Variants in ZFYVE28 observed in about 807,000 individuals in gnomAD.
ZFYVE28 encodes lateral signaling target protein 2 homolog.
A neutral mutation model predicts 82.1 loss-of-function variants in ZFYVE28; 40 were observed. The observed-to-expected ratio is 0.49, with a 90% CI of 0.38 to 0.63. The LOEUF (loss-of-function observed/expected upper bound fraction) is 0.63, where lower values mean the gene tolerates loss of function less well. ZFYVE28 is among the 30% of genes least tolerant of loss of function. The pLI, the probability that ZFYVE28 is intolerant of heterozygous loss-of-function variation, is 0.00. For missense variants in ZFYVE28, 1,321 were observed against 1,242.1 expected (o/e 1.06, Z -0.96); for synonymous variants, 612 against 546.1 (o/e 1.12, Z -1.68).
intron 8 of ZFYVE28, among the ~76,000 whole-genome samples, chr4:2,303,584 G>A (rs1715960596): frequency 1.3e-5 from 2 of 152,118 alleles, no homozygotes; most frequent in South Asian, 2.1e-4. Context: ...AGCCATGAGT[G>A]ACCCTGGGCT....
chr4:2,330,306 AG>A (rs1415674050), intron 6 of ZFYVE28: 1 of 989,236 alleles, frequency 1.0e-6, no homozygotes, highest in Non-Finnish European at 1.2e-6. Flanking sequence ...TAACAGAGTA[AG>A]TCACGCAACC....
rs558428975 is a variant in ZFYVE28, at chr4:2,402,795, C to T, written c.39+15490G>A. 9.2e-5 allele frequency among the ~76,000 whole-genome samples: 14 copies of T among 152,338 alleles called. 1 individual carries two copies. The highest frequency in any genetic ancestry group is 2.6e-4 in the African/African-American group (11 of 41,580). On this transcript the variant is annotated intron_variant, in intron 1 of 12. Transcript: ENST00000290974. ...ATACACCAGTGCTGGAATTTAAGCT[C>T]ACTCTGCTCTCAGTCAGCCTCTCAC...
intron 8 of ZFYVE28, among the ~76,000 whole-genome samples, chr4:2,296,360 C>T (rs1714573109): frequency 6.6e-6 from 1 of 152,172 alleles, no homozygotes; most frequent in Non-Finnish European, 1.5e-5. Context: ...CCAGCCCTGC[C>T]CTCTCACCTG....
intron 8 of ZFYVE28, among the ~76,000 whole-genome samples, chr4:2,276,850 G>C (rs2108800474): frequency 6.6e-6 from 1 of 152,292 alleles, no homozygotes; most frequent in Non-Finnish European, 1.5e-5. Context: ...AACAGTTTCA[G>C]TTTGGGAAGA....
At chr4:2,351,009 A>C (rs937058687) in intron 2 of ZFYVE28, among the ~76,000 whole-genome samples, 3 of 152,102 alleles carry the variant, frequency 2.0e-5, no homozygotes, top group Non-Finnish European at 4.4e-5. Flanking sequence ...TCTGTGAGCC[A>C]CTCTACAAAT....
chr4:2,335,820 A>G lies in ZFYVE28; in HGVS notation c.612-26T>C. 6.5e-7 allele frequency: 1 copy of G among 1,544,790 alleles called. No homozygotes were observed. The highest frequency in any genetic ancestry group is 8.8e-7 in the Non-Finnish European group (1 of 1,141,372). ...CTGTCCGGGGAGACGGACAGTGAGCAGCATGAGGGCTGGCCCACCACAGCC... is the reference window on the plus strand; with the variant it reads ...CTGTCCGGGGAGACGGACAGTGAGCGGCATGAGGGCTGGCCCACCACAGCC... On this transcript the variant is annotated intron_variant, in intron 5 of 12. Coordinates refer to ENST00000290974, the MANE Select transcript of ZFYVE28 (RefSeq NM_020972.3). This position sits in a 1 kb window ranked among gnomAD's most constrained non-coding sequence, Gnocchi z 5.8.
chr4:2,311,821 G>C lies in ZFYVE28; in HGVS notation c.804-6285C>G, dbSNP rs190410242. Among the ~76,000 whole-genome samples, 7 of 152,104 alleles carry C rather than the reference G, an allele frequency of 4.6e-5. No individual in the cohort carries two copies. In the East Asian group the frequency reaches 1.4e-3, roughly 29 times the overall value. On this transcript the variant is annotated intron_variant, in intron 7 of 12. Transcript: ENST00000290974. Reference sequence around the variant, plus strand: ...AAATGAGGTCTTACTCTGTTGCTCAGACTGGAATACAGTGACAGGATCATA... The same window carrying C: ...AAATGAGGTCTTACTCTGTTGCTCACACTGGAATACAGTGACAGGATCATA...
At chr4:2,381,504 T>C (rs940866313) in intron 1 of ZFYVE28, among the ~76,000 whole-genome samples, 1 of 152,126 alleles carries the variant, frequency 6.6e-6, no homozygotes, top group African/African-American at 2.4e-5. Context: ...CTTCCCAGGT[T>C]CAAGCAATTC....
chr4:2,330,331 G>A, intron 6 of ZFYVE28: 1 of 990,616 alleles, frequency 1.0e-6, no homozygotes, highest in Non-Finnish European at 1.2e-6. Context: ...TGGTGGGAGA[G>A]GGCTTGGGTG....
At chr4:2,284,428 G>A (rs1250570771) in intron 8 of ZFYVE28, among the ~76,000 whole-genome samples, 3 of 152,188 alleles carry the variant, frequency 2.0e-5, no homozygotes, top group Non-Finnish European at 4.4e-5. Context: ...AGAGCGCGAC[G>A]GGGCACAGTG....
intron 4 of ZFYVE28, among the ~76,000 whole-genome samples, chr4:2,338,530 T>G (rs1179135111): frequency 6.6e-6 from 1 of 151,804 alleles, no homozygotes; most frequent in Non-Finnish European, 1.5e-5. Flanking sequence ...GAGGTGGAGG[T>G]CGCGGTGAGC....
rs1560287010 is a variant in ZFYVE28 at position 2,364,019 on chromosome 4, T to C, written c.40-9946A>G. Among the ~76,000 whole-genome samples the C allele has an allele frequency of 2.6e-5, 4 of 152,100 alleles. No individual in the cohort carries two copies. The South Asian group carries it at 8.3e-4, about 32-fold the overall frequency. ...GCTTGCTCCTGCTAGGTAATAAGGG[T>C]GAAAACAGCACAAAGCCACCACCGA... On this transcript the variant is annotated intron_variant, in intron 1 of 12. Coordinates refer to ENST00000290974, the MANE Select transcript of ZFYVE28 (RefSeq NM_020972.3).
At position 2,339,237 on chromosome 4, in the gene ZFYVE28, T is replaced by C. The variant is rs892620633; in HGVS notation, c.521+216A>G. ...CCCACGGCGGCCAGATCCACACCTG[T>C]GTCCTCTGTGCTCACCCCACTCCCT... On this transcript the variant is annotated intron_variant, in intron 4 of 12. Coordinates refer to ENST00000290974, the MANE Select transcript of ZFYVE28 (RefSeq NM_020972.3). The surrounding 1 kb of genome is among the most constrained non-coding windows in gnomAD (Gnocchi z 5.0). 2.0e-5 allele frequency among the ~76,000 whole-genome samples: 3 copies of C among 152,042 alleles called. No homozygotes were observed. Among genetic ancestry groups the C allele is most frequent in the African/African-American group, 7.3e-5 (3 of 41,310 alleles).
chr4:2,318,615 G>A (rs78559217), intron 7 of ZFYVE28, among the ~76,000 whole-genome samples: 12,028 of 152,220 alleles, frequency 0.079, 590 homozygotes, highest in Middle Eastern at 0.22. Flanking sequence ...GGTGGGCGGG[G>A]GGCACAAGCA....
Position 2,353,729 on chromosome 4 carries a change from C to A in ZFYVE28, c.180+204G>T, listed in dbSNP as rs758735696. On this transcript the variant is annotated intron_variant, in intron 2 of 12. Transcript: ENST00000290974. ...CCTCTGCTCCCCCAAGTGTCCCGTG[C>A]GGTTTCTCACTTCCAGCCCGGCTAC... is the stretch of plus-strand genomic sequence containing the variant. 6.5e-4 allele frequency among the ~76,000 whole-genome samples: 99 copies of A among 152,142 alleles called. 2 individuals are homozygous for A. Among genetic ancestry groups the A allele is most frequent in the Non-Finnish European group, 1.9e-4 (13 of 68,022 alleles).
chr4:2,401,395 C>T (rs1422041547), intron 1 of ZFYVE28, among the ~76,000 whole-genome samples: 2 of 152,178 alleles, frequency 1.3e-5, no homozygotes, highest in African/African-American at 4.8e-5. Flanking sequence ...AGTCCCGGTG[C>T]CCACATCCCA....
chr4:2,359,314 C>A (rs986329819), intron 1 of ZFYVE28, among the ~76,000 whole-genome samples: 1 of 151,960 alleles, frequency 6.6e-6, no homozygotes, highest in African/African-American at 2.4e-5. Flanking sequence ...TTTGTAGAGA[C>A]GGGGTCTTGC....
chr4:2,410,985 C>A (rs1163669639), intron 1 of ZFYVE28, among the ~76,000 whole-genome samples: 1 of 152,024 alleles, frequency 6.6e-6, no homozygotes, highest in Non-Finnish European at 1.5e-5. Context: ...ATCATGATAT[C>A]CCTAAAAATA....
At chr4:2,285,122 C>G (rs567226705) in intron 8 of ZFYVE28, among the ~76,000 whole-genome samples, 7 of 152,328 alleles carry the variant, frequency 4.6e-5, no homozygotes, top group African/African-American at 1.4e-4. Context: ...CAGGCCCACA[C>G]CTGGGCAGAA....
Sources: allele counts gnomAD v4.1 joint callset (sites outside exome capture counted in the v4.1 genomes callset), GRCh38; gene constraint gnomAD v4.1.1; non-coding constraint Gnocchi (gnomAD v3.1); transcripts MANE v1.5; gene names NCBI Gene and HGNC (gene_info 2026-07-23, HGNC 2026-07-21).